MGAT4C: variants seen among roughly 807,000 people sequenced by gnomAD.
MGAT4C encodes the protein alpha-1,3-mannosyl-glycoprotein 4-beta-N-acetylglucosaminyltransferase C.
A neutral mutation model predicts 40.1 loss-of-function variants in MGAT4C; 19 were observed. The observed-to-expected ratio is 0.47, with a 90% CI of 0.33 to 0.70. MGAT4C has a LOEUF of 0.70. Ranked by LOEUF, MGAT4C falls within the 30% of genes least tolerant of loss-of-function variation. MGAT4C has a pLI of 0.02. For missense variants in MGAT4C, 491 were observed against 563.2 expected (o/e 0.87, Z 1.30); for synonymous variants, 181 against 187.1 (o/e 0.97, Z 0.27).
chr12:86,801,383 C>G (rs1952222803), intron 1 of MGAT4C, among the ~76,000 whole-genome samples: 1 of 151,746 alleles, frequency 6.6e-6, no homozygotes, highest in East Asian at 1.9e-4. Flanking sequence ...TGGACTGAAT[C>G]CCCAAGGACT....
chr12:86,022,714 T>G (rs76054220), intron 2 of MGAT4C, among the ~76,000 whole-genome samples: 58 of 152,098 alleles, frequency 3.8e-4, no homozygotes, highest in African/African-American at 1.4e-3. Context: ...GTCTCTAAAA[T>G]AAAATAAGTC....
At chr12:86,772,882 A>G (rs1435225113) in intron 1 of MGAT4C, among the ~76,000 whole-genome samples, 1 of 152,144 alleles carries the variant, frequency 6.6e-6, no homozygotes, top group Non-Finnish European at 1.5e-5. Context: ...CCTCAGGATG[A>G]ATCATACCTG....
chr12:86,826,090 C>T (rs1336485568), intron 1 of MGAT4C, among the ~76,000 whole-genome samples: 3 of 151,360 alleles, frequency 2.0e-5, no homozygotes, highest in Admixed American at 1.3e-4. Flanking sequence ...ATTATTACTG[C>T]ATCTACCTTA....
intron 1 of MGAT4C, among the ~76,000 whole-genome samples, chr12:86,244,455 A>G (rs182337632): frequency 6.6e-6 from 1 of 152,342 alleles, no homozygotes; most frequent in Admixed American, 6.5e-5. Context: ...GAGCTCCCCA[A>G]ATTAAACTCT....
At chr12:86,695,728 C>T (rs1355684620) in intron 2 of MGAT4C, among the ~76,000 whole-genome samples, 5 of 151,862 alleles carry the variant, frequency 3.3e-5, no homozygotes, top group Middle Eastern at 3.4e-3. Context: ...TCAAAACAAT[C>T]GAACTCATCG....
intron 2 of MGAT4C, among the ~76,000 whole-genome samples, chr12:85,994,022 C>T (rs1886299868): frequency 6.6e-6 from 1 of 152,110 alleles, no homozygotes. Flanking sequence ...TGCAGTGGCT[C>T]CTAGGGAGGG....
intron 2 of MGAT4C, among the ~76,000 whole-genome samples, chr12:86,560,658 T>C (rs1959819167): frequency 6.6e-6 from 1 of 152,162 alleles, no homozygotes; most frequent in South Asian, 2.1e-4. Flanking sequence ...AAAAGTCATG[T>C]ATGACAAGCC....
intron 2 of MGAT4C, among the ~76,000 whole-genome samples, chr12:86,650,015 TA>T (rs1963652175): frequency 6.6e-6 from 1 of 151,944 alleles, no homozygotes. Context: ...CAAGGTTTGC[TA>T]AATAGCTGTT....
chr12:86,472,281 T>G (rs1160052932), intron 2 of MGAT4C, among the ~76,000 whole-genome samples: 4 of 152,150 alleles, frequency 2.6e-5, no homozygotes, highest in Non-Finnish European at 5.9e-5. Context: ...TGAGACAGAT[T>G]ATAAGGCCTA....
At chr12:86,589,565 C>A (rs1332673871) in intron 2 of MGAT4C, among the ~76,000 whole-genome samples, 4 of 151,944 alleles carry the variant, frequency 2.6e-5, no homozygotes, top group African/African-American at 9.7e-5. Context: ...AGGCCAGCAT[C>A]ATCCTGATAC....
chr12:86,275,447 G>T (rs1274167220), intron 4 of MGAT4C, among the ~76,000 whole-genome samples: 3 of 152,142 alleles, frequency 2.0e-5, no homozygotes, highest in Non-Finnish European at 4.4e-5. Context: ...ATGCCCAGCT[G>T]TTGTAGTTGG....
chr12:86,281,866 T>C (rs1372797176), intron 4 of MGAT4C, among the ~76,000 whole-genome samples: 2 of 152,266 alleles, frequency 1.3e-5, no homozygotes, highest in South Asian at 2.1e-4. Flanking sequence ...TTCTGGAGTA[T>C]AAATTATATT....
intron 1 of MGAT4C, among the ~76,000 whole-genome samples, chr12:86,057,290 C>A (rs944183586): frequency 2.6e-5 from 4 of 152,122 alleles, no homozygotes; most frequent in African/African-American, 4.8e-5. Context: ...TAGTATCTAC[C>A]GTTTTGGTCT....
intron 2 of MGAT4C, among the ~76,000 whole-genome samples, chr12:86,662,585 A>AT (rs969142030): frequency 4.6e-5 from 7 of 152,042 alleles, no homozygotes; most frequent in South Asian, 2.1e-4. Context: ...ACTGATTGTG[A>AT]TTTTTTTTCA....
chr12:86,754,717 C>T (rs927853430), intron 1 of MGAT4C, among the ~76,000 whole-genome samples: 2 of 151,748 alleles, frequency 1.3e-5, no homozygotes, highest in African/African-American at 4.8e-5. Context: ...CTATATATTC[C>T]CAATATATCC....
At chr12:86,608,037 T>G (rs1455128843) in intron 2 of MGAT4C, among the ~76,000 whole-genome samples, 2 of 152,156 alleles carry the variant, frequency 1.3e-5, no homozygotes, top group African/African-American at 4.8e-5. Flanking sequence ...GCACCCTATA[T>G]TCACTTTAAT....
chr12:86,815,072 C>T (rs909209119), intron 1 of MGAT4C, among the ~76,000 whole-genome samples: 1 of 151,862 alleles, frequency 6.6e-6, no homozygotes, highest in Non-Finnish European at 1.5e-5. Context: ...TTAGGGTTTT[C>T]AAGGTAACGA....
chr12:86,273,080 G>A (rs1055702464), intron 4 of MGAT4C, among the ~76,000 whole-genome samples: 2 of 152,218 alleles, frequency 1.3e-5, no homozygotes, highest in Admixed American at 1.3e-4. Context: ...GATATTAGTG[G>A]TGTAGATAGC....
At chr12:86,055,865 CT>C (rs1280730283) in intron 1 of MGAT4C, among the ~76,000 whole-genome samples, 1 of 151,970 alleles carries the variant, frequency 6.6e-6, no homozygotes, top group Admixed American at 6.6e-5. Flanking sequence ...AGCCTCAGCT[CT>C]TTTTTCATTC....
Sources: allele counts gnomAD v4.1 joint callset (sites outside exome capture counted in the v4.1 genomes callset), GRCh38; gene constraint gnomAD v4.1.1; transcripts MANE v1.5; gene names NCBI Gene and HGNC (gene_info 2026-07-23, HGNC 2026-07-21).